The following FAM178B variants were observed in gnomAD, a reference collection of about 807,000 sequenced individuals.
FAM178B encodes the protein protein FAM178B.
FAM178B carries 82 observed loss-of-function variants against 91.7 expected under a neutral mutation model. The observed-to-expected ratio is 0.89, with a 90% CI of 0.75 to 1.07. FAM178B has a LOEUF of 1.07. FAM178B is among the 50% of genes least tolerant of loss of function. FAM178B has a pLI of 0.00. For synonymous variants in FAM178B, 368 were observed against 359.4 expected (o/e 1.02, Z -0.27); for missense variants, 769 against 846.7 (o/e 0.91, Z 1.14).
chr2:96,896,125 T>G (rs1176986251), intron 13 of FAM178B, among the ~76,000 whole-genome samples: 1 of 152,252 alleles, frequency 6.6e-6, no homozygotes, highest in East Asian at 1.9e-4. Flanking sequence ...AGGGTCAGGC[T>G]CTGCAGCCCA....
At chr2:96,921,449 A>G (rs979809390) in intron 11 of FAM178B, 29 bp downstream of exon 11, 19 of 1,551,240 alleles carry the variant, frequency 1.2e-5, no homozygotes, top group East Asian at 4.9e-5. Flanking sequence ...ATGAAGCTGT[A>G]TGAGGACCAG....
chr2:96,903,953 A>G (rs1422196887), intron 12 of FAM178B, among the ~76,000 whole-genome samples: 1 of 152,210 alleles, frequency 6.6e-6, no homozygotes, highest in African/African-American at 2.4e-5. Flanking sequence ...CAAAAAGCAG[A>G]ACAAGCAGCA....
intron 13 of FAM178B, among the ~76,000 whole-genome samples, chr2:96,895,830 A>T (rs2080811744): frequency 6.6e-6 from 1 of 152,128 alleles, no homozygotes; most frequent in Non-Finnish European, 1.5e-5. Context: ...TGACTCACCT[A>T]CCACCTGCTC....
chr2:96,949,896 G>A lies in FAM178B; in HGVS notation c.993+1483C>T, dbSNP rs560408675. Reference sequence around the variant, plus strand: ...ACATGGGCCCATCAGGCCTGGCTCCGAGGCACAGAGCTGATGCTAAGAAAC... The same window carrying A: ...ACATGGGCCCATCAGGCCTGGCTCCAAGGCACAGAGCTGATGCTAAGAAAC... On this transcript the variant is annotated intron_variant, in intron 7 of 16. Coordinates refer to ENST00000490605, the MANE Select transcript of FAM178B (RefSeq NM_001122646.3). 52 of 830,476 alleles carry A rather than the reference G, an allele frequency of 6.3e-5. No homozygotes were observed. In the African/African-American group the frequency reaches 7.2e-4, roughly 11 times the overall value. 51.4% of individuals were successfully genotyped at this position (830,476 alleles called of 1,614,324 possible). A position where few individuals can be genotyped will look rare whatever the true frequency, so the allele number is the denominator to read the frequency against.
intron 1 of FAM178B, among the ~76,000 whole-genome samples, chr2:96,984,783 C>G (rs2082403138): frequency 6.6e-6 from 1 of 152,154 alleles, no homozygotes; most frequent in Admixed American, 6.5e-5. Flanking sequence ...CCCTCACATG[C>G]CTTGAAACAA....
At chr2:96,910,136 T>C (rs1211416782) in intron 12 of FAM178B, among the ~76,000 whole-genome samples, 1 of 152,318 alleles carries the variant, frequency 6.6e-6, no homozygotes, top group East Asian at 1.9e-4. Flanking sequence ...TATGATTTCT[T>C]GTTAGGACTC....
chr2:96,951,881 C>T (rs1352877941), intron 6 of FAM178B: 1 of 175,506 alleles, frequency 5.7e-6, no homozygotes. Context: ...ATTAGCCAGG[C>T]ATGGTGGCAT....
intron 6 of FAM178B, 91 bp downstream of exon 6, chr2:96,960,197 C>T (rs1438441431): frequency 2.8e-6 from 4 of 1,422,054 alleles, no homozygotes; most frequent in Non-Finnish European, 3.8e-6. Flanking sequence ...TTCGAACTTC[C>T]CCCTTTGGGG....
chr2:96,968,339 C>A (rs2082173448), intron 4 of FAM178B, among the ~76,000 whole-genome samples: 1 of 152,048 alleles, frequency 6.6e-6, no homozygotes, highest in Non-Finnish European at 1.5e-5. Flanking sequence ...ACAATAGGCC[C>A]CACACACCTG....
intron 13 of FAM178B, chr2:96,894,967 C>A: frequency 9.1e-7 from 1 of 1,102,836 alleles, no homozygotes; most frequent in South Asian, 1.3e-5. Flanking sequence ...GCCCACCCTC[C>A]CTTGCATCCC....
At chr2:96,932,340 G>T (rs1397200097) in intron 8 of FAM178B, among the ~76,000 whole-genome samples, 1 of 152,244 alleles carries the variant, frequency 6.6e-6, no homozygotes, top group African/African-American at 2.4e-5. Context: ...CAGGAGCAGT[G>T]TCAGAGGAGG....
In FAM178B at chr2:96,929,400, G is replaced by A. The variant is rs139771963; in HGVS notation, c.1079-80C>T. 1.7e-4 allele frequency: 178 copies of A among 1,024,106 alleles called. 1 individual carries two copies. Among genetic ancestry groups the A allele is most frequent in the Admixed American group, 3.9e-4 (17 of 43,672 alleles). 63.4% of individuals were successfully genotyped at this position (1,024,106 alleles called of 1,614,324 possible). A position where few individuals can be genotyped will look rare whatever the true frequency, so the allele number is the denominator to read the frequency against. ...ACCACTCCCACTGAAGGGGCTGGCC[G>A]TGACCCCTGGCCCAAGATAACCAGT... On this transcript the variant is annotated intron_variant, in intron 8 of 16. Coordinates refer to ENST00000490605, the MANE Select transcript of FAM178B (RefSeq NM_001122646.3).
At chr2:96,934,898 C>G (rs1180486453) in intron 8 of FAM178B, among the ~76,000 whole-genome samples, 1 of 152,176 alleles carries the variant, frequency 6.6e-6, no homozygotes, top group Admixed American at 6.5e-5. Context: ...TGGCTATAAC[C>G]AACTCTGCAC....
At chr2:96,943,854 G>T (rs2081775100) in intron 8 of FAM178B, among the ~76,000 whole-genome samples, 1 of 152,124 alleles carries the variant, frequency 6.6e-6, no homozygotes, top group Non-Finnish European at 1.5e-5. Flanking sequence ...CTGCAGATCA[G>T]TGGTCTGAAT....
intron 7 of FAM178B, chr2:96,950,252 G>A (rs1574291944): frequency 1.2e-6 from 1 of 857,704 alleles, no homozygotes; most frequent in Non-Finnish European, 1.4e-6. Context: ...AGCAGGGGCT[G>A]CACCGCCAGC....
chr2:96,905,219 T>A (rs2081008186), intron 12 of FAM178B, among the ~76,000 whole-genome samples: 1 of 152,120 alleles, frequency 6.6e-6, no homozygotes, highest in Non-Finnish European at 1.5e-5. Flanking sequence ...CACTTAACTG[T>A]CTTTGCTCTA....
chr2:96,939,477 C>CA (rs2081689646), intron 8 of FAM178B, among the ~76,000 whole-genome samples: 1 of 152,124 alleles, frequency 6.6e-6, no homozygotes, highest in Non-Finnish European at 1.5e-5. Flanking sequence ...GCCTGGGCGA[C>CA]AGAGTGAGAC....
At chr2:96,882,325 G>A (rs1309516866) in intron 14 of FAM178B, among the ~76,000 whole-genome samples, 3 of 152,194 alleles carry the variant, frequency 2.0e-5, no homozygotes, top group Admixed American at 2.0e-4. Flanking sequence ...CACCCGATTC[G>A]CCCAGCTCAG....
intron 8 of FAM178B, among the ~76,000 whole-genome samples, chr2:96,944,475 C>T (rs1418155883): frequency 6.6e-6 from 1 of 152,116 alleles, no homozygotes; most frequent in African/African-American, 2.4e-5. Context: ...GCAGTGACCT[C>T]GTATGTCCCA....
Sources: gnomAD v4.1 joint callset for allele counts (sites outside exome capture counted in the v4.1 genomes callset) on GRCh38, gnomAD v4.1.1 for gene constraint, MANE v1.5 for transcripts, NCBI Gene and HGNC (gene_info 2026-07-23, HGNC 2026-07-21) for gene names.